SUMF1: variants seen among roughly 807,000 people sequenced by gnomAD.
SUMF1 encodes sulfatase modifying factor 1, also known as formylglycine-generating enzyme.
In SUMF1, 48 loss-of-function variants were observed where a neutral mutation model predicts 47.6. The ratio of observed to expected loss-of-function variants is 1.01; its 90% confidence interval spans 0.80 to 1.28. The LOEUF (loss-of-function observed/expected upper bound fraction) is 1.28. Among genes scored for constraint, SUMF1 ranks in the 50% most tolerant of loss-of-function variants. The pLI, the probability that SUMF1 is intolerant of heterozygous loss-of-function variation, is 0.00. For synonymous variants in SUMF1, 230 were observed against 192.1 expected (o/e 1.20, Z -1.63); for missense variants, 571 against 485.4 (o/e 1.18, Z -1.66).
chr3:4,041,158 C>T (rs1484794613), intron 9 of SUMF1, among the ~76,000 whole-genome samples: 8 of 152,294 alleles, frequency 5.3e-5, no homozygotes, highest in African/African-American at 1.4e-4. Flanking sequence ...CCGCAACCTC[C>T]GCCTCCGGAG....
chr3:4,274,641 G>C (rs1207510488), intron 8 of SUMF1, among the ~76,000 whole-genome samples: 2 of 152,154 alleles, frequency 1.3e-5, no homozygotes, highest in African/African-American at 4.8e-5. Flanking sequence ...AATAGGGATA[G>C]GTTTTCCCCT....
intron 8 of SUMF1, among the ~76,000 whole-genome samples, chr3:4,354,411 C>T (rs564683949): frequency 2.0e-5 from 3 of 151,826 alleles, no homozygotes; most frequent in Non-Finnish European, 4.4e-5. Flanking sequence ...ATTGTTATGT[C>T]CACAAATGAC....
intron 8 of SUMF1, among the ~76,000 whole-genome samples, chr3:4,083,438 T>C (rs1355041569): frequency 2.6e-5 from 4 of 152,074 alleles, no homozygotes; most frequent in African/African-American, 4.8e-5. Context: ...TGAGGATGTG[T>C]CAGCAAACCA....
chr3:4,272,572 A>T (rs900151533), intron 8 of SUMF1, among the ~76,000 whole-genome samples: 5 of 152,130 alleles, frequency 3.3e-5, no homozygotes, highest in African/African-American at 1.2e-4. Flanking sequence ...GGAGGAGCAG[A>T]CCTTTCAGAC....
At chr3:4,444,349 G>A (rs1024014867) in intron 3 of SUMF1, among the ~76,000 whole-genome samples, 1 of 152,158 alleles carries the variant, frequency 6.6e-6, no homozygotes, top group Non-Finnish European at 1.5e-5. Context: ...CAAATGACTA[G>A]AGAGACATGA....
At chr3:4,053,029 A>G (rs1362153552) in intron 9 of SUMF1, among the ~76,000 whole-genome samples, 1 of 152,180 alleles carries the variant, frequency 6.6e-6, no homozygotes, top group Non-Finnish European at 1.5e-5. Flanking sequence ...CTTTTGGTCC[A>G]TCTCAGCTTT....
chr3:4,184,270 A>G (rs1695155109), intron 8 of SUMF1, among the ~76,000 whole-genome samples: 2 of 152,122 alleles, frequency 1.3e-5, no homozygotes, highest in African/African-American at 2.4e-5. Flanking sequence ...AGCCTGGCCA[A>G]CATGGCAAAA....
chr3:4,125,695 G>C (rs1693640211), intron 8 of SUMF1, among the ~76,000 whole-genome samples: 1 of 152,084 alleles, frequency 6.6e-6, no homozygotes, highest in Non-Finnish European at 1.5e-5. Context: ...TATTTTTAGA[G>C]ACAGGATCTT....
chr3:4,362,142 T>A lies in SUMF1; in HGVS notation c.*2A>T, dbSNP rs137922827. 1.2e-6 allele frequency: 2 copies of A among 1,614,034 alleles called. No individual in the cohort carries two copies. Among genetic ancestry groups the A allele is most frequent in the Admixed American group, 1.7e-5 (1 of 60,028 alleles). On this transcript the variant is annotated 3_prime_UTR_variant, in exon 9 of 9. Transcript: ENST00000272902. ...TGGACTGGGGAAGACTTTCCTTGGTTGTCAGTCCATAGTGGGCAGGCGGTC... is the reference window on the plus strand; with the variant it reads ...TGGACTGGGGAAGACTTTCCTTGGTAGTCAGTCCATAGTGGGCAGGCGGTC...
intron 8 of SUMF1, among the ~76,000 whole-genome samples, chr3:4,179,838 A>C (rs1488850757): frequency 1.3e-5 from 2 of 152,292 alleles, no homozygotes; most frequent in South Asian, 2.1e-4. Flanking sequence ...AACTCAAACA[A>C]ATTTACAAGA....
chr3:4,241,852 G>T (rs1205051014), intron 8 of SUMF1, among the ~76,000 whole-genome samples: 1 of 152,122 alleles, frequency 6.6e-6, no homozygotes, highest in Non-Finnish European at 1.5e-5. Flanking sequence ...GGCTTGAGGA[G>T]GCAGTGTCTG....
chr3:4,371,140 C>T (rs1330384921), intron 8 of SUMF1, among the ~76,000 whole-genome samples: 1 of 152,176 alleles, frequency 6.6e-6, no homozygotes, highest in Non-Finnish European at 1.5e-5. Flanking sequence ...TAAATGGCCT[C>T]ATTATAAATG....
intron 8 of SUMF1, among the ~76,000 whole-genome samples, chr3:4,251,307 A>T (rs1342514436): frequency 6.6e-6 from 1 of 152,224 alleles, no homozygotes; most frequent in African/African-American, 2.4e-5. Flanking sequence ...CTCATTATAA[A>T]ACTTTCACTG....
chr3:4,043,669 C>T (rs980320078), intron 9 of SUMF1, among the ~76,000 whole-genome samples: 1 of 152,164 alleles, frequency 6.6e-6, no homozygotes. Flanking sequence ...CTATCTCACA[C>T]TTTATTTCTC....
chr3:4,316,673 G>A (rs1012741688), intron 8 of SUMF1: 33 of 1,551,038 alleles, frequency 2.1e-5, no homozygotes, highest in East Asian at 2.4e-5. Context: ...GGATTGTGAC[G>A]TGTGATGAAA....
rs529290550 is a variant in SUMF1, at chr3:4,390,615, C to T, written c.955-14226G>A. On this transcript the variant is annotated intron_variant, in intron 7 of 8. Transcript: ENST00000272902. ...AGGAAATAAAAGAGACAGGGTCTCA[C>T]TCTGTCACCCAGGCTGGAGTACAGT... 3.9e-5 allele frequency among the ~76,000 whole-genome samples: 6 copies of T among 152,292 alleles called. No homozygotes were observed. In the South Asian group the frequency reaches 8.3e-4, roughly 21 times the overall value.
At chr3:4,353,473 C>T (rs1368202198) in intron 8 of SUMF1, among the ~76,000 whole-genome samples, 1 of 152,212 alleles carries the variant, frequency 6.6e-6, no homozygotes, top group Admixed American at 6.5e-5. Context: ...AGGATGGTCT[C>T]GATCTCCTGA....
rs78748362 is a variant in SUMF1, at chr3:4,325,563, GTATA to G, written c.1014+50763_1014+50766del. Reference sequence around the variant, plus strand: ...TGTATATATGTGTGTGTCTGTGTGTGTATATATATATATATGTATGTATATATCT... The same window carrying G: ...TGTATATATGTGTGTGTCTGTGTGTGTATATATATATGTATGTATATATCT... On this transcript the variant is annotated intron_variant and NMD_transcript_variant, in intron 8 of 12. Coordinates refer to the SUMF1 transcript ENST00000448413. Among the ~76,000 whole-genome samples, 94 of 149,970 alleles carry G rather than the reference GTATA, an allele frequency of 6.3e-4. 1 individual carries two copies. Among genetic ancestry groups the G allele is most frequent in the Admixed American group, 1.1e-3 (17 of 15,018 alleles).
At chr3:4,231,355 C>G (rs143433746) in intron 8 of SUMF1, among the ~76,000 whole-genome samples, 2 of 152,044 alleles carry the variant, frequency 1.3e-5, no homozygotes, top group African/African-American at 4.8e-5. Context: ...TTTTTAAATG[C>G]AACGACCTTA....
Sources: gnomAD v4.1 joint callset for allele counts (sites outside exome capture counted in the v4.1 genomes callset) on GRCh38, gnomAD v4.1.1 for gene constraint, MANE v1.5 for transcripts, NCBI Gene and HGNC (gene_info 2026-07-23, HGNC 2026-07-21) for gene names.